Variants in DYM observed in about 807,000 individuals in gnomAD.
DYM encodes dyggve-Melchior-Clausen syndrome protein.
In DYM, 78 loss-of-function variants were observed where a neutral mutation model predicts 93.1. The observed-to-expected ratio is 0.84, with a 90% CI of 0.70 to 1.01. The LOEUF is 1.01. Among genes scored for constraint, DYM ranks in the 50% least tolerant of loss-of-function variants. The pLI, the probability that DYM is intolerant of heterozygous loss-of-function variation, is 0.00. For missense variants in DYM, 789 were observed against 845.0 expected (o/e 0.93, Z 0.82); for synonymous variants, 321 against 319.7 (o/e 1.00, Z -0.04).
intron 17 of DYM, chr18:49,048,147 G>A (rs2071880467): frequency 6.6e-6 from 1 of 152,106 alleles, no homozygotes; most frequent in African/African-American, 2.4e-5. Flanking sequence ...AACCCTTCTG[G>A]GTGTGAGGTA....
At position 49,379,088 on chromosome 18, in the gene DYM, G is replaced by C. The variant is rs151072602; in HGVS notation, c.288-388C>G. 1.9e-3 allele frequency among the ~76,000 whole-genome samples: 285 copies of C among 152,206 alleles called. 1 individual carries two copies. Among genetic ancestry groups the C allele is most frequent in the African/African-American group, 6.3e-3 (263 of 41,566 alleles). On this transcript the variant is annotated intron_variant, in intron 4 of 17. Transcript: ENST00000675505. ...ATATGTAACCAAAATTTTCGACGAG[G>C]CATTGCCAGCAGCACGGTAAAATAC...
At chr18:49,413,935 A>T (rs1400700494) in intron 2 of DYM, among the ~76,000 whole-genome samples, 2 of 152,008 alleles carry the variant, frequency 1.3e-5, no homozygotes, top group African/African-American at 4.8e-5. Flanking sequence ...ACTTGAACCC[A>T]GGAGGCGGAG....
intron 17 of DYM, among the ~76,000 whole-genome samples, chr18:49,066,739 C>G (rs745916987): frequency 4.6e-5 from 7 of 151,966 alleles, no homozygotes; most frequent in African/African-American, 7.3e-5. Context: ...GTTTTCATGA[C>G]CACATCATAC....
intron 6 of DYM, among the ~76,000 whole-genome samples, chr18:49,360,259 C>CA (rs5824786): frequency 0.42 from 48,764 of 115,154 alleles, 8,932 homozygotes; most frequent in Non-Finnish European, 0.49. Flanking sequence ...TCAATAAAGG[C>CA]AAAAAAAAAA....
intron 10 of DYM, among the ~76,000 whole-genome samples, chr18:49,279,291 C>G (rs946162210): frequency 1.3e-5 from 2 of 152,172 alleles, no homozygotes; most frequent in African/African-American, 4.8e-5. Flanking sequence ...GGGATTTACA[C>G]ACAATAAGGT....
chr18:49,195,816 G>A (rs1408278887), intron 14 of DYM, among the ~76,000 whole-genome samples: 2 of 151,346 alleles, frequency 1.3e-5, no homozygotes, highest in East Asian at 1.9e-4. Flanking sequence ...GGGAGCCTTC[G>A]TTTAGTCAGG....
At chr18:49,285,009 T>C (rs1238174494) in intron 9 of DYM, among the ~76,000 whole-genome samples, 1 of 152,174 alleles carries the variant, frequency 6.6e-6, no homozygotes, top group Non-Finnish European at 1.5e-5. Context: ...TCAGCCCTTT[T>C]AGCCCTTGAC....
rs549395425 is a variant in DYM, at chr18:49,163,718, C to T, written c.1695G>A (p.Ser565=). 31 of 1,612,266 alleles carry T rather than the reference C, an allele frequency of 1.9e-5. No homozygotes were observed. Among genetic ancestry groups the T allele is most frequent in the African/African-American group, 1.2e-4 (9 of 74,942 alleles). The change falls in exon 15 of 18, where the codon TCG becomes TCA. Residue 565 remains serine (S), a synonymous_variant. Coordinates refer to ENST00000675505, the MANE Select transcript of DYM (RefSeq NM_001353214.3). ...LEQATQSLRG[S]LSSNDVPLPD... is the part of the protein sequence containing the mutation. ...GTAGAGGAACATCATTAGAACTCAG[C>T]GAACCTCTCAAGGACTGTGTGGCTT...
chr18:49,363,513 T>C (rs1224968299), intron 5 of DYM, among the ~76,000 whole-genome samples: 1 of 152,222 alleles, frequency 6.6e-6, no homozygotes. Flanking sequence ...GTCAGATTTC[T>C]TATACTGCAC....
rs141868850 is a variant in DYM, at chr18:49,242,993, C to G, written c.1460+14017G>C. Among the ~76,000 whole-genome samples, 522 of 152,320 alleles carry G rather than the reference C, an allele frequency of 3.4e-3. 4 individuals are homozygous for G. Among genetic ancestry groups the G allele is most frequent in the African/African-American group, 0.012 (484 of 41,560 alleles). Reference sequence around the variant, plus strand: ...GGGATTACAGGCGTGAGCCACCGCACCCGGCCTATACCTAGGGTTTCTAAA... The same window carrying G: ...GGGATTACAGGCGTGAGCCACCGCAGCCGGCCTATACCTAGGGTTTCTAAA... On this transcript the variant is annotated intron_variant, in intron 13 of 17. Transcript: ENST00000675505.
chr18:49,064,686 AAG>A (rs1343910182), intron 17 of DYM, among the ~76,000 whole-genome samples: 1 of 152,200 alleles, frequency 6.6e-6, no homozygotes, highest in East Asian at 1.9e-4. Flanking sequence ...AATCTCCAGC[AAG>A]AGTGTATTAA....
At chr18:49,395,874 C>G (rs542770329) in intron 2 of DYM, among the ~76,000 whole-genome samples, 1 of 152,286 alleles carries the variant, frequency 6.6e-6, no homozygotes, top group East Asian at 1.9e-4. Flanking sequence ...ATATTGAAAT[C>G]TGATCCCCAA....
chr18:49,273,865 G>C (rs1043749333), intron 10 of DYM, among the ~76,000 whole-genome samples: 1 of 145,700 alleles, frequency 6.9e-6, no homozygotes, highest in Non-Finnish European at 1.5e-5. Context: ...CTTACCTATA[G>C]TACATAATAC....
At position 49,125,857 on chromosome 18, in the gene DYM, G is replaced by A. The variant is rs71355371; in HGVS notation, c.1729-6931C>T. ...TGTTGCAGTTTGGCAGAAGTCTGTC[G>A]CCCTACTCCTACTCGCCAGTCTTCA... On this transcript the variant is annotated intron_variant, in intron 15 of 17. Coordinates refer to ENST00000675505, the MANE Select transcript of DYM (RefSeq NM_001353214.3). Among the ~76,000 whole-genome samples the A allele has an allele frequency of 6.5e-3, 985 of 152,200 alleles. 3 individuals are homozygous for A. The highest frequency in any genetic ancestry group is 0.011 in the Non-Finnish European group (741 of 68,000).
At chr18:49,124,006 T>C (rs1393797914) in intron 15 of DYM, among the ~76,000 whole-genome samples, 2 of 152,216 alleles carry the variant, frequency 1.3e-5, no homozygotes, top group Admixed American at 6.5e-5. Context: ...TGCTGATATA[T>C]GAAACTTATA....
chr18:49,108,368 C>T (rs995066434), intron 16 of DYM, among the ~76,000 whole-genome samples: 2 of 152,230 alleles, frequency 1.3e-5, no homozygotes, highest in African/African-American at 4.8e-5. Flanking sequence ...TGAGGCAATG[C>T]CTCGCCCTGC....
intron 10 of DYM, among the ~76,000 whole-genome samples, chr18:49,276,929 C>T (rs1174116218): frequency 2.0e-5 from 3 of 151,988 alleles, no homozygotes; most frequent in Admixed American, 1.3e-4. Flanking sequence ...AAAGGAATCG[C>T]AATGAGGAAA....
chr18:49,355,339 G>A (rs1412299644), intron 6 of DYM, among the ~76,000 whole-genome samples: 3 of 151,716 alleles, frequency 2.0e-5, no homozygotes, highest in Non-Finnish European at 4.4e-5. Context: ...ATAGACAGAT[G>A]TATCTATCAA....
intron 15 of DYM, among the ~76,000 whole-genome samples, chr18:49,142,559 CTTTT>C (rs991337971): frequency 2.0e-5 from 3 of 152,086 alleles, no homozygotes; most frequent in African/African-American, 7.2e-5. Context: ...ACAATCAATT[CTTTT>C]TTTGTCTCTT....
Sources: gnomAD v4.1 joint callset for allele counts (sites outside exome capture counted in the v4.1 genomes callset) on GRCh38, gnomAD v4.1.1 for gene constraint, MANE v1.5 for transcripts, NCBI Gene and HGNC (gene_info 2026-07-23, HGNC 2026-07-21) for gene names.